The following CCDC3 variants were observed in gnomAD, a reference collection of about 807,000 sequenced individuals.
CCDC3 encodes the protein coiled-coil domain-containing protein 3.
In CCDC3, 24 loss-of-function variants were observed where a neutral mutation model predicts 21.4. The observed-to-expected ratio is 1.12, with a 90% confidence interval of 0.81 to 1.58. The LOEUF (loss-of-function observed/expected upper bound fraction) is 1.58. CCDC3 is among the 40% of genes most tolerant of loss of function. The probability of loss-of-function intolerance (pLI) is 0.00; values close to 1 mark genes in which losing one functional copy is unlikely to be tolerated. For synonymous variants in CCDC3, 186 were observed against 166.0 expected, an observed-to-expected ratio of 1.12 and a Z score of -0.93; for missense variants, 425 against 360.9, an observed-to-expected ratio of 1.18 and a Z score of -1.44.
intron 2 of CCDC3, among the ~76,000 whole-genome samples, chr10:12,909,442 C>A (rs953608266): frequency 3.3e-5 from 5 of 152,224 alleles, no homozygotes; most frequent in Non-Finnish European, 5.9e-5. Flanking sequence ...TACTCCTGCC[C>A]TGCCCATGGA....
intron 3 of CCDC3, among the ~76,000 whole-genome samples, chr10:13,081,804 C>A (rs945166508): frequency 2.6e-5 from 4 of 152,238 alleles, no homozygotes; most frequent in Non-Finnish European, 5.9e-5. Flanking sequence ...AATATTCCAT[C>A]TGCACTCTAA....
intron 5 of CCDC3, among the ~76,000 whole-genome samples, chr10:13,017,529 AAAGAAAAG>A (rs1157924392): frequency 9.8e-6 from 1 of 101,650 alleles, no homozygotes; most frequent in Non-Finnish European, 2.3e-5. Flanking sequence ...AAAAAAAAAA[AAAGAAAAG>A]AAAAGAAAAG....
At chr10:13,011,518 GC>G (rs1306836381) in intron 5 of CCDC3, among the ~76,000 whole-genome samples, 1 of 151,980 alleles carries the variant, frequency 6.6e-6, no homozygotes, top group African/African-American at 2.4e-5. Flanking sequence ...TTACAAAACG[GC>G]TGCTCAAAAA....
chr10:12,988,339 C>T (rs537691220), intron 2 of CCDC3, among the ~76,000 whole-genome samples: 4 of 152,090 alleles, frequency 2.6e-5, no homozygotes, highest in South Asian at 4.2e-4. Context: ...AAAGTGGCTT[C>T]CAATTCCTAT....
At chr10:13,014,959 T>C (rs984556221) in intron 5 of CCDC3, among the ~76,000 whole-genome samples, 7 of 147,464 alleles carry the variant, frequency 4.7e-5, no homozygotes, top group African/African-American at 1.7e-4. Context: ...TATAGTTATG[T>C]AGGAACAACT....
intron 2 of CCDC3, among the ~76,000 whole-genome samples, chr10:12,928,314 C>T (rs1195932041): frequency 2.6e-5 from 4 of 152,108 alleles, no homozygotes; most frequent in South Asian, 4.1e-4. Flanking sequence ...AAGCCCCAGG[C>T]ACAAGAGAGA....
intron 2 of CCDC3, among the ~76,000 whole-genome samples, chr10:12,932,957 CATTA>C (rs1387651760): frequency 6.6e-6 from 1 of 152,146 alleles, no homozygotes; most frequent in African/African-American, 2.4e-5. Context: ...TGATGAATTG[CATTA>C]ATTGATTTTT....
intron 4 of CCDC3, among the ~76,000 whole-genome samples, chr10:13,072,263 A>G (rs1317814805): frequency 1.3e-5 from 2 of 152,154 alleles, no homozygotes; most frequent in African/African-American, 4.8e-5. Context: ...TGCTGGGGAT[A>G]CTTAGATAAG....
chr10:13,077,414 C>T (rs1358096683), intron 3 of CCDC3, among the ~76,000 whole-genome samples: 4 of 152,120 alleles, frequency 2.6e-5, no homozygotes, highest in South Asian at 2.1e-4. Context: ...GAATCAATAT[C>T]GTGAAAATGG....
chr10:12,943,588 A>G (rs925871557), intron 2 of CCDC3, among the ~76,000 whole-genome samples: 14 of 152,086 alleles, frequency 9.2e-5, no homozygotes, highest in African/African-American at 3.4e-4. Flanking sequence ...GTGCAGTAGA[A>G]AGGCAGGCAA....
chr10:12,986,053 A>AT (rs1435208233), intron 2 of CCDC3, among the ~76,000 whole-genome samples: 2 of 152,002 alleles, frequency 1.3e-5, no homozygotes, highest in African/African-American at 4.8e-5. Context: ...CTTTTTTTGT[A>AT]TTTTTTAGTA....
intron 2 of CCDC3, among the ~76,000 whole-genome samples, chr10:12,972,627 A>G (rs1257516844): frequency 6.6e-6 from 1 of 152,002 alleles, no homozygotes. Flanking sequence ...GACCAGCCTG[A>G]CCAACATGGT....
At chr10:13,030,921 C>T (rs1350952914) in intron 5 of CCDC3, among the ~76,000 whole-genome samples, 2 of 152,148 alleles carry the variant, frequency 1.3e-5, no homozygotes, top group African/African-American at 4.8e-5. Context: ...CCACTGTCAA[C>T]ATTAGACAGA....
At chr10:13,030,746 GA>G (rs1408022413) in intron 5 of CCDC3, among the ~76,000 whole-genome samples, 1 of 152,112 alleles carries the variant, frequency 6.6e-6, no homozygotes, top group Non-Finnish European at 1.5e-5. Flanking sequence ...AAGAAACAAA[GA>G]AGGCCATTAA....
At chr10:12,992,235 C>T (rs1835692930) in intron 2 of CCDC3, among the ~76,000 whole-genome samples, 2 of 152,078 alleles carry the variant, frequency 1.3e-5, no homozygotes, top group South Asian at 4.1e-4. Flanking sequence ...ATTAAAAATA[C>T]AAAAATCAGC....
intron 2 of CCDC3, among the ~76,000 whole-genome samples, chr10:12,954,828 T>C (rs1242127890): frequency 6.6e-6 from 1 of 152,186 alleles, no homozygotes; most frequent in Non-Finnish European, 1.5e-5. Context: ...ACACATATTT[T>C]ATAAAATATG....
chr10:13,058,729 T>C (rs945618198), intron 4 of CCDC3: 3 of 273,818 alleles, frequency 1.1e-5, no homozygotes, highest in Non-Finnish European at 2.1e-5. Flanking sequence ...GCAGGCCTAT[T>C]ACTTGCAGTT....
At chr10:12,991,227 C>T (rs901005487) in intron 2 of CCDC3, among the ~76,000 whole-genome samples, 10 of 152,150 alleles carry the variant, frequency 6.6e-5, no homozygotes, top group Non-Finnish European at 7.4e-5. Context: ...TTCCTATTTG[C>T]TTTTGATCAT....
At chr10:12,945,095 C>T (rs1398568037) in intron 2 of CCDC3, among the ~76,000 whole-genome samples, 2 of 152,012 alleles carry the variant, frequency 1.3e-5, no homozygotes, top group East Asian at 1.9e-4. Flanking sequence ...TGTTCTGTGT[C>T]ACAATGAAAA....
Sources: allele counts gnomAD v4.1 joint callset (sites outside exome capture counted in the v4.1 genomes callset), GRCh38; gene constraint gnomAD v4.1.1; transcripts MANE v1.5; gene names NCBI Gene and HGNC (gene_info 2026-07-23, HGNC 2026-07-21).